Variants in SOD2 observed in about 807,000 individuals in gnomAD.
SOD2 encodes the protein superoxide dismutase 2.
A neutral mutation model predicts 27.0 loss-of-function variants in SOD2; 11 were observed. The ratio of observed to expected loss-of-function variants is 0.41; its 90% CI spans 0.26 to 0.67. SOD2 has a LOEUF of 0.67. Ranked by LOEUF, SOD2 falls within the 30% of genes least tolerant of loss-of-function variation. The pLI is 0.34. For synonymous variants in SOD2, 105 were observed against 103.0 expected, an observed-to-expected ratio of 1.02 and a Z score of -0.12; for missense variants, 250 against 274.5, an observed-to-expected ratio of 0.91 and a Z score of 0.63.
chr6:159,674,295 A>G lies in SOD2; in HGVS notation c.*8198T>C, dbSNP rs1036529608. The G allele has an allele frequency of 2.6e-5, 4 of 152,378 alleles. No homozygotes were observed. The Middle Eastern group carries it at 0.01, about 389-fold the overall frequency. 9.4% of individuals were successfully genotyped at this position (152,378 alleles called of 1,614,324 possible). A position where few individuals can be genotyped will look rare whatever the true frequency, so the allele number is the denominator to read the frequency against. ...AAAGCCTGGCAGAGACATAACAAAA[A>G]AAGAGAACTTTAGACCAATATCCCT... On this transcript the variant is annotated 3_prime_UTR_variant, in exon 5 of 5. Transcript: ENST00000538183.
rs185239346 is a variant in SOD2 at position 159,740,772 on chromosome 6, C to T, written c.-116+4358G>A. On this transcript the variant is annotated intron_variant, in intron 1 of 3. Coordinates refer to the SOD2 transcript ENST00000537657. ...AGGCTGGAATGCAGTTGCGCGATCT[C>T]GGCTCACTGCAACCGCCGCCTCCCG... Among the ~76,000 whole-genome samples, 117 of 148,884 alleles carry T rather than the reference C, an allele frequency of 7.9e-4. 1 individual carries two copies. The highest frequency in any genetic ancestry group is 2.6e-3 in the African/African-American group (105 of 40,498).
Position 159,725,298 on chromosome 6 carries a change from T to G in SOD2, c.-116+1831A>C, listed in dbSNP as rs1778131481. Among the ~76,000 whole-genome samples the G allele has an allele frequency of 2.0e-5, 3 of 152,042 alleles. No individual in the cohort carries two copies. The South Asian group carries it at 6.2e-4, about 31-fold the overall frequency. On this transcript the variant is annotated intron_variant, in intron 1 of 2. Coordinates refer to the SOD2 transcript ENST00000401980. ...GAGTTCCAGACCAGCCTGGCCAACA[T>G]GGTGAAATCCCATCTCTATTAAAAA...
At chr6:159,753,197 T>C (rs529391968) in intron 1 of SOD2, among the ~76,000 whole-genome samples, 1 of 152,348 alleles carries the variant, frequency 6.6e-6, no homozygotes, top group East Asian at 1.9e-4. Context: ...AATAGATGGA[T>C]TTCAGAATTG....
chr6:159,710,828 ATTG>A (rs1777726557), intron 1 of SOD2, among the ~76,000 whole-genome samples: 1 of 148,238 alleles, frequency 6.7e-6, no homozygotes, highest in Non-Finnish European at 1.5e-5. Context: ...CACCACTCAC[ATTG>A]CTCTGATCAC....
rs1779842192 is a variant in SOD2, at chr6:159,679,073, A to T, written c.*3420T>A. The stretch of plus-strand genomic sequence containing the variant: ...CTCAGTGAAAATGACAGAAGATTAT[A>T]GGATTTTTAAAGTTTTTGACATGCA... On this transcript the variant is annotated 3_prime_UTR_variant, in exon 5 of 5. Transcript: ENST00000538183. The T allele has an allele frequency of 6.6e-6, 1 of 152,246 alleles. No individual in the cohort carries two copies. Among genetic ancestry groups the T allele is most frequent in the South Asian group, 2.1e-4 (1 of 4,832 alleles). The allele number at this position is 152,246 out of a possible 1,614,324, so 9.4% of individuals were successfully genotyped here.
At chr6:159,728,848 A>G (rs1241048089), upstream of SOD2, among the ~76,000 whole-genome samples, 3 of 152,218 alleles carry the variant, frequency 2.0e-5, no homozygotes, top group Admixed American at 6.5e-5. Context: ...AAGCAGACAC[A>G]TGGTTTAAAA....
chr6:159,702,292 A>AC (rs1288118835), intron 1 of SOD2, among the ~76,000 whole-genome samples: 1 of 150,920 alleles, frequency 6.6e-6, no homozygotes. Flanking sequence ...CTGTCTGTAT[A>AC]AAATTTTTTT....
chr6:159,688,392 C>A, intron 2 of SOD2, 150 bp from the exon 3 acceptor site: 2 of 582,002 alleles, frequency 3.4e-6, no homozygotes, highest in East Asian at 3.0e-5. Flanking sequence ...CCCCCCCGCC[C>A]CAAAATTATT....
chr6:159,707,315 A>G (rs540254856), intron 1 of SOD2, among the ~76,000 whole-genome samples: 1 of 152,336 alleles, frequency 6.6e-6, no homozygotes, highest in South Asian at 2.1e-4. Context: ...CTTCAAAAAA[A>G]TCAATGAATC....
chr6:159,695,309 C>T (rs1777401758), upstream of SOD2, among the ~76,000 whole-genome samples: 1 of 151,992 alleles, frequency 6.6e-6, no homozygotes, highest in Admixed American at 6.6e-5. Flanking sequence ...TAAAGCGACT[C>T]CTAGGACATG....
chr6:159,676,136 T>C lies in SOD2; in HGVS notation c.*6357A>G, dbSNP rs1243449828. ...GGATGTGGAGAAATAGGAACACTTT[T>C]ACACTGGTGGTGGGACTGTAAACTA... On this transcript the variant is annotated 3_prime_UTR_variant, in exon 5 of 5. Coordinates refer to ENST00000538183, the MANE Select transcript of SOD2 (RefSeq NM_000636.4). The C allele has an allele frequency of 6.6e-6, 1 of 152,238 alleles. No individual in the cohort carries two copies. The highest frequency in any genetic ancestry group is 1.5e-5 in the Non-Finnish European group (1 of 68,040). The allele number at this position is 152,238 out of a possible 1,614,324, so 9.4% of individuals were successfully genotyped here.
At chr6:159,741,854 A>G (rs188651015) in intron 1 of SOD2, 17 of 371,538 alleles carry the variant, frequency 4.6e-5, no homozygotes, top group East Asian at 4.5e-4. Context: ...CTTTGGTCCC[A>G]GCTATACAGG....
chr6:159,760,990 T>C (rs1780112400), intron 1 of SOD2: 1 of 152,312 alleles, frequency 6.6e-6, no homozygotes, highest in African/African-American at 2.4e-5. Context: ...TGTTATGCAA[T>C]TTTTTTCCTT....
intron 1 of SOD2, among the ~76,000 whole-genome samples, chr6:159,699,461 G>A (rs940354781): frequency 3.3e-5 from 5 of 152,124 alleles, no homozygotes; most frequent in East Asian, 3.9e-4. Context: ...TTGAGAGTCC[G>A]GCAGAGCCCT....
rs904101075 is a variant in SOD2 at position 159,675,566 on chromosome 6, T to C, written c.*6927A>G. On this transcript the variant is annotated 3_prime_UTR_variant, in exon 5 of 5. Transcript: ENST00000538183. ...CCACATGTAGAAAGCTGAAACTGGATCCCTTCCTTACACCTTATACAAAAA... is the reference window on the plus strand; with the variant it reads ...CCACATGTAGAAAGCTGAAACTGGACCCCTTCCTTACACCTTATACAAAAA... 6.6e-6 allele frequency: 1 copy of C among 152,130 alleles called. No homozygotes were observed. Among genetic ancestry groups the C allele is most frequent in the Non-Finnish European group, 1.5e-5 (1 of 68,034 alleles). The allele number at this position is 152,130 out of a possible 1,614,324, so 9.4% of individuals were successfully genotyped here.
intron 1 of SOD2, among the ~76,000 whole-genome samples, chr6:159,704,940 G>A (rs530776478): frequency 4.5e-4 from 69 of 152,264 alleles, no homozygotes; most frequent in African/African-American, 1.6e-3. Flanking sequence ...CCAGAGGAAC[G>A]ATCAGGCAGC....
intron 1 of SOD2, among the ~76,000 whole-genome samples, chr6:159,750,445 A>C (rs1399010992): frequency 6.6e-6 from 1 of 152,224 alleles, no homozygotes; most frequent in Non-Finnish European, 1.5e-5. Flanking sequence ...GGGGAGATGA[A>C]AAGTGAGTGT....
intron 1 of SOD2, chr6:159,753,372 T>G (rs759702304): frequency 6.4e-7 from 1 of 1,552,324 alleles, no homozygotes; most frequent in Non-Finnish European, 8.9e-7. Flanking sequence ...GTTATGTTTG[T>G]ATGTGTTACA....
chr6:159,751,974 A>G (rs1333446461), intron 1 of SOD2, among the ~76,000 whole-genome samples: 1 of 151,646 alleles, frequency 6.6e-6, no homozygotes, highest in Non-Finnish European at 1.5e-5. Flanking sequence ...AGGTGGGAGG[A>G]TCACCTGAGC....
Sources: allele counts gnomAD v4.1 joint callset (sites outside exome capture counted in the v4.1 genomes callset), GRCh38; gene constraint gnomAD v4.1.1; transcripts MANE v1.5; gene names NCBI Gene and HGNC (gene_info 2026-07-23, HGNC 2026-07-21).